Variants in CHD4 observed in about 807,000 individuals in gnomAD.
CHD4 encodes chromodomain helicase DNA binding protein 4, also known as ATP-dependent chromatin remodeler CHD4.
CHD4 carries 35 observed loss-of-function variants against 235.5 expected under a neutral mutation model. The observed-to-expected ratio is 0.15, with a 90% confidence interval of 0.11 to 0.20. The LOEUF is 0.20. Ranked by LOEUF, CHD4 falls within the 10% of genes least tolerant of loss-of-function variation. The pLI is 1.00. For missense variants in CHD4, 1,329 were observed against 2,432.3 expected, an observed-to-expected ratio of 0.55 and a Z score of 9.54; for synonymous variants, 900 against 850.2, an observed-to-expected ratio of 1.06 and a Z score of -1.02.
At chr12:6,577,599 TAC>T (rs1157116200) in intron 37 of CHD4, 184 bp downstream of exon 37, 2 of 705,092 alleles carry the variant, frequency 2.8e-6, no homozygotes, top group East Asian at 2.7e-5. Context: ...ACAGCTCATG[TAC>T]AGTTAGTTAA....
At chr12:6,602,600 A>C (rs1948616834) in intron 2 of CHD4, 103 bp from the exon 3 acceptor site, 3 of 1,431,796 alleles carry the variant, frequency 2.1e-6, no homozygotes, top group Non-Finnish European at 2.9e-6. Flanking sequence ...CTCTTGTCCC[A>C]GATTCCTCTG....
intron 10 of CHD4, 40 bp from the exon 11 acceptor site, chr12:6,598,465 A>C: frequency 1.3e-6 from 2 of 1,490,690 alleles, no homozygotes; most frequent in Non-Finnish European, 1.8e-6. Flanking sequence ...AATCATAACC[A>C]TGGGAGGAGA....
intron 19 of CHD4, 52 bp downstream of exon 19, chr12:6,592,341 T>C (rs972507221): frequency 4.6e-6 from 7 of 1,531,500 alleles, no homozygotes; most frequent in South Asian, 1.3e-5. Context: ...GGAAACACTC[T>C]GCAGACTGGC....
At chr12:6,583,615 A>G in intron 25 of CHD4, 1 of 461,206 alleles carries the variant, frequency 2.2e-6, no homozygotes. Flanking sequence ...TAGAGCTATT[A>G]TCACAGGTAA....
intron 37 of CHD4, among the ~76,000 whole-genome samples, chr12:6,575,449 C>CAAAAAA (rs201602922): frequency 3.4e-5 from 2 of 58,520 alleles, no homozygotes; most frequent in Non-Finnish European, 8.0e-5. Flanking sequence ...GACTTTGTCT[C>CAAAAAA]AAAAAAAAAA....
At chr12:6,578,646 C>A in intron 34 of CHD4, 100 bp from the exon 35 acceptor site, 1 of 1,561,416 alleles carries the variant, frequency 6.4e-7, no homozygotes, top group African/African-American at 1.4e-5. Flanking sequence ...TCCACCTACA[C>A]CCCTTCTCCA....
intron 2 of CHD4, among the ~76,000 whole-genome samples, chr12:6,604,502 T>A (rs1265257135): frequency 6.6e-6 from 1 of 151,822 alleles, no homozygotes; most frequent in African/African-American, 2.4e-5. Context: ...GAATGCAACA[T>A]CAGCCTGGAT....
chr12:6,601,307 T>A lies in CHD4; in HGVS notation c.781A>T (p.Lys261Ter). 6.2e-7 allele frequency: 1 copy of A among 1,614,092 alleles called. No homozygotes were observed. Among genetic ancestry groups the A allele is most frequent in the Non-Finnish European group, 8.5e-7 (1 of 1,179,992 alleles). The change falls in exon 6 of 40, where the codon AAG becomes TAG. Residue 261 changes from lysine (K) to a stop codon, truncating the protein, a stop_gained. Transcript: ENST00000544040. LOFTEE classifies it high-confidence loss of function. Reference sequence around the variant, plus strand: ...ATTTCACCTTTGCCCTCCTTGGTCTTGGCCTTGCGGATAGGCACCTCCACA... The same window carrying A: ...ATTTCACCTTTGCCCTCCTTGGTCTAGGCCTTGCGGATAGGCACCTCCACA... Reference protein sequence around the residue: ...PPVEVPIRKAKTKEGKGPNAR... With the variant: ...PPVEVPIRKA
chr12:6,584,800 G>A (rs1225869539), intron 25 of CHD4: 1 of 152,238 alleles, frequency 6.6e-6, no homozygotes, highest in African/African-American at 2.4e-5. Flanking sequence ...GTATACTTAT[G>A]TAGTCACCAG....
rs1328630253 is a variant in CHD4 at position 6,598,296 on chromosome 12, G to T, written c.1612C>A (p.Arg538=). 1 of 1,614,072 alleles carries T rather than the reference G, an allele frequency of 6.2e-7. No individual in the cohort carries two copies. Among genetic ancestry groups the T allele is most frequent in the South Asian group, 1.1e-5 (1 of 91,062 alleles). ...NTPSPKPLEG[R]PERQFFVKWQ... is the part of the protein sequence containing the mutation. ...TTCACAAAGAACTGCCGCTCTGGCC[G>T]CCCCTCCAAGGGCTTTGGGGAGGGC... Residue 538 remains arginine, a synonymous_variant, in exon 11 of 40, where the codon CGG becomes AGG. Coordinates refer to ENST00000544040, the MANE Select transcript of CHD4 (RefSeq NM_001273.5).
chr12:6,573,418 G>A (rs1056256845), intron 37 of CHD4, 149 bp from the exon 38 acceptor site: 1 of 505,568 alleles, frequency 2.0e-6, no homozygotes, highest in Non-Finnish European at 3.2e-6. Flanking sequence ...CACCCAAGTA[G>A]TTTAACTTTG....
Position 6,599,833 on chromosome 12 carries a change from G to A in CHD4, c.1422C>T (p.His474=), listed in dbSNP as rs1948559653. 6.2e-7 allele frequency: 1 copy of A among 1,614,108 alleles called. No individual in the cohort carries two copies. Residue 474 remains histidine (H), a synonymous_variant, in exon 10 of 40, where the codon CAC becomes CAT. Coordinates refer to ENST00000544040, the MANE Select transcript of CHD4 (RefSeq NM_001273.5). ...CDTCPSSYHI[H]CLNPPLPEIP... is the part of the protein sequence containing the mutation. The stretch of plus-strand genomic sequence containing the variant: ...TCTCTGGAAGTGGGGGATTCAGGCA[G>A]TGGATGTGGTAGGAAGAAGGACAGG...
intron 6 of CHD4, 33 bp downstream of exon 6, chr12:6,601,256 G>A (rs1002400152): frequency 1.9e-6 from 3 of 1,605,922 alleles, no homozygotes; most frequent in South Asian, 1.1e-5. Context: ...GCCCACACTA[G>A]ACACCCCCAC....
At chr12:6,598,620 C>A (rs1364350747) in intron 10 of CHD4, among the ~76,000 whole-genome samples, 195 bp from the exon 11 acceptor site, 2 of 152,254 alleles carry the variant, frequency 1.3e-5, no homozygotes, top group East Asian at 3.9e-4. Flanking sequence ...ACCATCCTAG[C>A]TAACATGGTG....
At chr12:6,582,112 C>T (rs1166208940) in intron 30 of CHD4, 25 bp downstream of exon 30, 1 of 1,526,678 alleles carries the variant, frequency 6.6e-7, no homozygotes, top group Middle Eastern at 1.8e-4. Flanking sequence ...CCCCTAGAAA[C>T]AATGGCAAGA....
rs556791751 is a variant in CHD4 at position 6,593,011 on chromosome 12, A to G, written c.2652+80T>C. 6.3e-7 allele frequency: 1 copy of G among 1,574,890 alleles called. No individual in the cohort carries two copies. Among genetic ancestry groups the G allele is most frequent in the South Asian group, 1.1e-5 (1 of 88,626 alleles). On this transcript the variant is annotated intron_variant, in intron 17 of 39. Transcript: ENST00000544040. The surrounding 1 kb of genome is among the most constrained non-coding windows in gnomAD (Gnocchi z 4.9). ...CAATTTTCCCCTCTCCTCTCCATCT[A>G]CAAGTTTTCCCCTTAATGAATTGGT...
chr12:6,601,151 A>C lies in CHD4; in HGVS notation c.800-98T>G, dbSNP rs1169285765. On this transcript the variant is annotated intron_variant, in intron 6 of 39. Transcript: ENST00000544040. ...CTTGCTTCCCCACATTCAGATTCCC[A>C]AATTTCCCTCCAAAATCCAAGACTC... The C allele has an allele frequency of 3.3e-6, 5 of 1,524,504 alleles. No individual in the cohort carries two copies. In the African/African-American group the frequency reaches 6.9e-5, roughly 21 times the overall value. 94.4% of individuals were successfully genotyped at this position (1,524,504 alleles called of 1,614,324 possible). A position where few individuals can be genotyped will look rare whatever the true frequency, so the allele number is the denominator to read the frequency against.
In CHD4 at chr12:6,581,131, C is replaced by G. The variant is rs201992075; in HGVS notation, c.4822G>C (p.Val1608Leu). ...PAPASEDEKV[V>L]VEPPEGEEKV... Reference sequence around the variant, plus strand: ...TCCTCTCCCTCAGGGGGTTCAACAACGACCTTTTCATCCTCTGAGGCAGGG... The same window carrying G: ...TCCTCTCCCTCAGGGGGTTCAACAAGGACCTTTTCATCCTCTGAGGCAGGG... Residue 1608 changes from valine to leucine, a missense_variant, in exon 33 of 40, where the codon GTT becomes CTT. Physicochemically the swap from Val to Leu is conservative, Grantham distance 32. This residue lies in a region of CHD4 where 219 missense variants were observed against 219.3 expected (regional missense o/e 1.00). Coordinates refer to ENST00000544040, the MANE Select transcript of CHD4 (RefSeq NM_001273.5). 1.2e-6 allele frequency: 2 copies of G among 1,614,136 alleles called. No homozygotes were observed. Among genetic ancestry groups the G allele is most frequent in the Non-Finnish European group, 1.7e-6 (2 of 1,180,018 alleles).
rs757777183 is a variant in CHD4, at chr12:6,602,371, C to A, written c.222+5G>T. 2.0e-5 allele frequency: 33 copies of A among 1,613,356 alleles called. No individual in the cohort carries two copies. Among genetic ancestry groups the A allele is most frequent in the Non-Finnish European group, 2.5e-5 (29 of 1,179,924 alleles). Reference sequence around the variant, plus strand: ...ATTCCCCGTAACATTCAGTCACCCACTCACCTCCTTTTTTTGGCGCTTGCT... The same window carrying A: ...ATTCCCCGTAACATTCAGTCACCCAATCACCTCCTTTTTTTGGCGCTTGCT... On this transcript the variant is annotated splice_donor_5th_base_variant and intron_variant, in intron 3 of 39. Transcript: ENST00000544040.
Sources: gnomAD v4.1 joint callset for allele counts (sites outside exome capture counted in the v4.1 genomes callset) on GRCh38, gnomAD v4.1.1 for gene constraint, gnomAD v4.1.1 regional missense constraint, Gnocchi (gnomAD v3.1) non-coding constraint, MANE v1.5 for transcripts, NCBI Gene and HGNC (gene_info 2026-07-23, HGNC 2026-07-21) for gene names.